Variants in LSAMP observed in about 807,000 individuals in gnomAD.
The protein encoded by LSAMP is limbic system-associated membrane protein.
In LSAMP, 7 loss-of-function variants were observed where a neutral mutation model predicts 38.6. The observed-to-expected ratio is 0.18, with a 90% CI of 0.10 to 0.34. The LOEUF (loss-of-function observed/expected upper bound fraction) is 0.34. Ranked by LOEUF, LSAMP falls within the 10% of genes least tolerant of loss-of-function variation. The pLI, the probability that LSAMP is intolerant of heterozygous loss-of-function variation, is 1.00. For synonymous variants in LSAMP, 154 were observed against 166.8 expected, an observed-to-expected ratio of 0.92 and a Z score of 0.59; for missense variants, 313 against 420.0, an observed-to-expected ratio of 0.75 and a Z score of 2.23.
chr3:115,827,527 CTA>C (rs1451832667), intron 6 of LSAMP, among the ~76,000 whole-genome samples: 1 of 152,062 alleles, frequency 6.6e-6, no homozygotes, highest in Non-Finnish European at 1.5e-5. Context: ...AGTAAAGAGA[CTA>C]TGTCAGTGGT....
intron 3 of LSAMP, among the ~76,000 whole-genome samples, chr3:115,856,824 C>T (rs764507739): frequency 6.6e-5 from 10 of 152,094 alleles, no homozygotes; most frequent in Admixed American, 1.3e-4. Context: ...GCTACCCAGT[C>T]TATGGTATTT....
In LSAMP at chr3:116,404,943, T is replaced by C. The variant is rs534791081; in HGVS notation, c.155+39934A>G. ...CAATGTAATAATGCACCTCAGGACT[T>C]GAGATATGTTAACATTGCACAAAAC... is the stretch of plus-strand genomic sequence containing the variant. On this transcript the variant is annotated intron_variant, in intron 1 of 6. Transcript: ENST00000490035. Among the ~76,000 whole-genome samples, 88 of 152,202 alleles carry C rather than the reference T, an allele frequency of 5.8e-4. 1 individual carries two copies. The South Asian group carries it at 0.017, about 30-fold the overall frequency.
chr3:116,388,514 GC>G (rs2048653225), intron 1 of LSAMP, among the ~76,000 whole-genome samples: 1 of 152,096 alleles, frequency 6.6e-6, no homozygotes, highest in Non-Finnish European at 1.5e-5. Flanking sequence ...GCTCTAAAAC[GC>G]ACGAAAATAT....
At chr3:115,903,298 G>A (rs1936925838) in intron 3 of LSAMP, among the ~76,000 whole-genome samples, 1 of 152,092 alleles carries the variant, frequency 6.6e-6, no homozygotes, top group African/African-American at 2.4e-5. Flanking sequence ...GAGAACACAT[G>A]AACACGTAGA....
At chr3:116,207,226 C>A (rs1323878006) in intron 1 of LSAMP, among the ~76,000 whole-genome samples, 9 of 151,906 alleles carry the variant, frequency 5.9e-5, no homozygotes, top group African/African-American at 2.2e-4. Flanking sequence ...AGGATTGCAA[C>A]CCCTGCCTTT....
intron 3 of LSAMP, among the ~76,000 whole-genome samples, chr3:115,991,011 G>A (rs1293700008): frequency 6.6e-6 from 1 of 151,946 alleles, no homozygotes; most frequent in Non-Finnish European, 1.5e-5. Flanking sequence ...AGACATCTCA[G>A]CATTTTATCT....
At position 115,892,328 on chromosome 3, in the gene LSAMP, G is replaced by A. The variant is rs183032779; in HGVS notation, c.515-39711C>T. Among the ~76,000 whole-genome samples the A allele has an allele frequency of 2.0e-5, 3 of 152,036 alleles. No homozygotes were observed. The East Asian group carries it at 5.8e-4, about 30-fold the overall frequency. Reference sequence around the variant, plus strand: ...ATTCTCAGCAGCACTATTTACAATAGTCCCCAAATAGAAACCACCCAATGT... The same window carrying A: ...ATTCTCAGCAGCACTATTTACAATAATCCCCAAATAGAAACCACCCAATGT... On this transcript the variant is annotated intron_variant, in intron 3 of 6. Transcript: ENST00000490035.
chr3:116,101,764 G>T (rs1278105253), intron 1 of LSAMP, among the ~76,000 whole-genome samples: 2 of 152,040 alleles, frequency 1.3e-5, no homozygotes, highest in African/African-American at 4.8e-5. Context: ...CTAAAAATAT[G>T]CTTAAGAGTG....
rs1160784940 is a variant in LSAMP, at chr3:115,839,258, TTTCTTTCCTTCCTTCCTTCCTTCCTTCC to T, written c.919+2559_919+2586del. 1.8e-3 allele frequency among the ~76,000 whole-genome samples: 186 copies of T among 105,234 alleles called. 1 individual carries two copies. The highest frequency in any genetic ancestry group is 5.9e-3 in the African/African-American group (168 of 28,494). 69.0% of individuals were successfully genotyped at this position (105,234 alleles called of 152,430 possible). A position where few individuals can be genotyped will look rare whatever the true frequency, so the allele number is the denominator to read the frequency against. On this transcript the variant is annotated intron_variant, in intron 6 of 6. Coordinates refer to ENST00000490035, the MANE Select transcript of LSAMP (RefSeq NM_002338.5). Reference sequence around the variant, plus strand: ...CCTTCTTTCCTTCCTTCCTTCCTTCTTTCTTTCCTTCCTTCCTTCCTTCCTTCCTTCCTTCCTTCCTTCCTTCCTTCCT... The same window carrying T: ...CCTTCTTTCCTTCCTTCCTTCCTTCTTTCCTTCCTTCCTTCCTTCCTTCCT...
chr3:116,237,075 C>T (rs2046473944), intron 1 of LSAMP, among the ~76,000 whole-genome samples: 2 of 151,916 alleles, frequency 1.3e-5, no homozygotes, highest in African/African-American at 4.8e-5. Flanking sequence ...AGATGACTTT[C>T]TGATCATGAC....
intron 4 of LSAMP, among the ~76,000 whole-genome samples, chr3:115,847,255 G>T (rs990668734): frequency 7.2e-5 from 11 of 152,232 alleles, no homozygotes; most frequent in Middle Eastern, 3.4e-3. Context: ...GATATAGTTG[G>T]TCTCCCATGG....
intron 1 of LSAMP, among the ~76,000 whole-genome samples, chr3:116,273,784 G>GAT (rs1438011579): frequency 8.0e-6 from 1 of 124,972 alleles, no homozygotes; most frequent in African/African-American, 3.3e-5. Context: ...TGTAATTACA[G>GAT]ATATATATAT....
At chr3:116,137,776 G>A (rs770172390) in intron 1 of LSAMP, among the ~76,000 whole-genome samples, 2 of 152,112 alleles carry the variant, frequency 1.3e-5, no homozygotes, top group Non-Finnish European at 2.9e-5. Context: ...TGTTAGAGAA[G>A]ATCAGGCTGA....
intron 1 of LSAMP, among the ~76,000 whole-genome samples, chr3:116,087,353 T>A (rs1041481007): frequency 2.0e-5 from 3 of 152,190 alleles, no homozygotes; most frequent in African/African-American, 7.2e-5. Flanking sequence ...CTTAAAAGGG[T>A]CTCTTTCTGA....
At chr3:115,909,777 G>A (rs1053870596) in intron 3 of LSAMP, among the ~76,000 whole-genome samples, 2 of 152,162 alleles carry the variant, frequency 1.3e-5, no homozygotes, top group African/African-American at 4.8e-5. Flanking sequence ...TCAGTTTTGG[G>A]TGGGGAGTAG....
intron 1 of LSAMP, among the ~76,000 whole-genome samples, chr3:116,184,067 G>A (rs551587069): frequency 2.0e-5 from 3 of 151,896 alleles, no homozygotes; most frequent in African/African-American, 4.8e-5. Flanking sequence ...AGTTGAACTC[G>A]AGAGAACAGA....
intron 1 of LSAMP, among the ~76,000 whole-genome samples, chr3:116,348,246 ACT>A (rs1298066494): frequency 1.3e-5 from 2 of 151,942 alleles, no homozygotes; most frequent in Non-Finnish European, 2.9e-5. Context: ...AAGGGATCAT[ACT>A]CTCTTCATGC....
chr3:116,387,232 C>A (rs2048637101), intron 1 of LSAMP, among the ~76,000 whole-genome samples: 1 of 152,030 alleles, frequency 6.6e-6, no homozygotes, highest in African/African-American at 2.4e-5. Context: ...AATCTAGAAC[C>A]AGAGTGACTG....
At chr3:116,352,563 G>T (rs1321179846) in intron 1 of LSAMP, among the ~76,000 whole-genome samples, 1 of 152,014 alleles carries the variant, frequency 6.6e-6, no homozygotes, top group Non-Finnish European at 1.5e-5. Flanking sequence ...GAAGTTTTGT[G>T]CTCTAATGTG....
Sources: allele counts gnomAD v4.1 joint callset (sites outside exome capture counted in the v4.1 genomes callset), GRCh38; gene constraint gnomAD v4.1.1; transcripts MANE v1.5; gene names NCBI Gene and HGNC (gene_info 2026-07-23, HGNC 2026-07-21).